The following OSBPL6 variants were observed in gnomAD, a reference collection of about 807,000 sequenced individuals.
OSBPL6 encodes oxysterol-binding protein-related protein 6.
In OSBPL6, 49 loss-of-function variants were observed where a neutral mutation model predicts 125.8. The ratio of observed to expected loss-of-function variants is 0.39; its 90% CI spans 0.31 to 0.49. The LOEUF (loss-of-function observed/expected upper bound fraction) is 0.49. Among genes scored for constraint, OSBPL6 ranks in the 20% least tolerant of loss-of-function variants. The probability of loss-of-function intolerance (pLI) is 0.88; values close to 1 mark genes in which losing one functional copy is unlikely to be tolerated. For synonymous variants in OSBPL6, 394 were observed against 391.8 expected, an observed-to-expected ratio of 1.01 and a Z score of -0.07; for missense variants, 986 against 1,135.4, an observed-to-expected ratio of 0.87 and a Z score of 1.89.
At chr2:178,335,274 T>G (rs891644521) in intron 8 of OSBPL6, among the ~76,000 whole-genome samples, 3 of 152,110 alleles carry the variant, frequency 2.0e-5, no homozygotes, top group Non-Finnish European at 4.4e-5. Flanking sequence ...GGGTGATATC[T>G]GAGAATGGAA....
intron 1 of OSBPL6, among the ~76,000 whole-genome samples, chr2:178,276,738 G>A (rs1241275051): frequency 1.3e-5 from 2 of 150,360 alleles, no homozygotes; most frequent in African/African-American, 4.9e-5. Context: ...TGCTTCCTCA[G>A]AACTTCTTCA....
At chr2:178,254,549 A>G (rs557046502) in intron 1 of OSBPL6, among the ~76,000 whole-genome samples, 1 of 152,344 alleles carries the variant, frequency 6.6e-6, no homozygotes, top group South Asian at 2.1e-4. Flanking sequence ...TTTGAAATGT[A>G]TACTAAAAAA....
rs763663444 is a variant in OSBPL6 at position 178,332,672 on chromosome 2, A to G, written c.404A>G (p.Asp135Gly). Residue 135 changes from aspartate to glycine, a missense_variant, in exon 7 of 25, where the codon GAT becomes GGT. Coordinates refer to ENST00000190611, the MANE Select transcript of OSBPL6 (RefSeq NM_032523.4). ...IQKGKVHGSI[D>G]VGLSVMSIKK... ...AAAGGAAAGGTCCATGGGAGCATAG[A>G]TGTGGGACTCTCAGTCATGTCAATT... The G allele has an allele frequency of 1.2e-6, 2 of 1,614,110 alleles. No homozygotes were observed. The highest frequency in any genetic ancestry group is 1.7e-6 in the Non-Finnish European group (2 of 1,179,960).
At chr2:178,381,772 T>C (rs1230805467) in intron 15 of OSBPL6, among the ~76,000 whole-genome samples, 1 of 152,220 alleles carries the variant, frequency 6.6e-6, no homozygotes, top group East Asian at 1.9e-4. Context: ...TGCATTTTTG[T>C]TGGTTTTACT....
At position 178,236,535 on chromosome 2, in the gene OSBPL6, T is replaced by G. The variant is rs144608600; in HGVS notation, c.-351+41861T>G. Among the ~76,000 whole-genome samples, 610 of 152,310 alleles carry G rather than the reference T, an allele frequency of 4.0e-3. 5 individuals carry two copies. Among genetic ancestry groups the G allele is most frequent in the African/African-American group, 0.014 (565 of 41,564 alleles). The stretch of plus-strand genomic sequence containing the variant: ...AGGGAACTTGGTCACTCAGCCAGTC[T>G]CTACTAACTTCAGATGGCCATACCA... On this transcript the variant is annotated intron_variant, in intron 1 of 24. Transcript: ENST00000190611.
chr2:178,267,970 G>A (rs1574689063), intron 1 of OSBPL6, among the ~76,000 whole-genome samples: 1 of 152,206 alleles, frequency 6.6e-6, no homozygotes, highest in South Asian at 2.1e-4. Flanking sequence ...TACCATAGTG[G>A]TAGGTGTTGA....
chr2:178,261,346 T>G (rs906843322), intron 1 of OSBPL6, among the ~76,000 whole-genome samples: 1 of 151,014 alleles, frequency 6.6e-6, no homozygotes, highest in Non-Finnish European at 1.5e-5. Context: ...AACATCACCC[T>G]GTATACCTAA....
At chr2:178,384,007 A>G (rs935523007) in intron 17 of OSBPL6, 32 bp from the exon 18 acceptor site, 1 of 1,609,932 alleles carries the variant, frequency 6.2e-7, no homozygotes, top group East Asian at 2.2e-5. Context: ...CGTCTCTCCT[A>G]TATTATTCCC....
At chr2:178,385,409 G>T in intron 18 of OSBPL6, 49 bp from the exon 19 acceptor site, 1 of 1,305,532 alleles carries the variant, frequency 7.7e-7, no homozygotes. Flanking sequence ...GGATGACCAT[G>T]TGGAAGTCTT....
intron 14 of OSBPL6, 91 bp from the exon 15 acceptor site, chr2:178,373,799 G>C: frequency 6.8e-7 from 1 of 1,481,108 alleles, no homozygotes; most frequent in Non-Finnish European, 9.1e-7. Context: ...TTAACATACA[G>C]TATTAAAGAG....
intron 9 of OSBPL6, 145 bp from the exon 10 acceptor site, chr2:178,338,846 G>A: frequency 3.4e-6 from 2 of 595,078 alleles, no homozygotes; most frequent in Non-Finnish European, 5.9e-6. Flanking sequence ...AAAAGGGTCT[G>A]TTTTGTTTCA....
chr2:178,380,215 G>A (rs957577561), intron 15 of OSBPL6, among the ~76,000 whole-genome samples: 1 of 152,080 alleles, frequency 6.6e-6, no homozygotes, highest in African/African-American at 2.4e-5. Flanking sequence ...TTGAGAGGCT[G>A]CAGTGGAAGG....
chr2:178,291,667 T>TTCCTTCCG (rs1306210340), intron 2 of OSBPL6, among the ~76,000 whole-genome samples: 70 of 138,390 alleles, frequency 5.1e-4, no homozygotes, highest in Admixed American at 1.7e-3. Flanking sequence ...AGGTAGTCTC[T>TTCCTTCCG]TCCTTCCTTC....
chr2:178,218,235 T>G (rs2090170114), intron 1 of OSBPL6, among the ~76,000 whole-genome samples: 1 of 152,196 alleles, frequency 6.6e-6, no homozygotes, highest in Admixed American at 6.5e-5. Flanking sequence ...TTAAAGATTT[T>G]ATTTTACAAG....
intron 4 of OSBPL6, among the ~76,000 whole-genome samples, chr2:178,326,011 A>C (rs1313128255): frequency 6.6e-6 from 1 of 152,180 alleles, no homozygotes; most frequent in Non-Finnish European, 1.5e-5. Context: ...GGGCCTCATG[A>C]AATCAGAGGG....
At chr2:178,289,053 T>C (rs143140700) in intron 2 of OSBPL6, among the ~76,000 whole-genome samples, 2,160 of 147,704 alleles carry the variant, frequency 0.015, 44 homozygotes, top group African/African-American at 0.051. Flanking sequence ...AGTCTCGCTC[T>C]GTCACCTAGG....
chr2:178,339,782 C>G lies in OSBPL6; in HGVS notation c.987+18C>G. 1 of 1,562,310 alleles carries G rather than the reference C, an allele frequency of 6.4e-7. No homozygotes were observed. Among genetic ancestry groups the G allele is most frequent in the Non-Finnish European group, 8.7e-7 (1 of 1,149,724 alleles). On this transcript the variant is annotated intron_variant, in intron 11 of 24. Transcript: ENST00000190611. ...AACTGCAGGTACAGATTTTACTTTT[C>G]CTTCATTCACGTTTCTACATATTTT...
intron 15 of OSBPL6, among the ~76,000 whole-genome samples, chr2:178,375,269 A>G (rs1222151501): frequency 2.0e-5 from 3 of 152,142 alleles, no homozygotes; most frequent in Non-Finnish European, 4.4e-5. Flanking sequence ...CTCTGGCACA[A>G]GGACTTGGTA....
chr2:178,308,037 T>A (rs1022744457), intron 3 of OSBPL6, among the ~76,000 whole-genome samples: 18 of 152,228 alleles, frequency 1.2e-4, no homozygotes, highest in African/African-American at 3.9e-4. Context: ...TGTACATGGA[T>A]AATGAGTTCT....
Sources: allele counts gnomAD v4.1 joint callset (sites outside exome capture counted in the v4.1 genomes callset), GRCh38; gene constraint gnomAD v4.1.1; transcripts MANE v1.5; gene names NCBI Gene and HGNC (gene_info 2026-07-23, HGNC 2026-07-21).